Variants in NUP93 observed in about 807,000 individuals in gnomAD.
The protein encoded by NUP93 is nucleoporin 93, also known as nuclear pore complex protein Nup93.
A neutral mutation model predicts 107.8 loss-of-function variants in NUP93; 55 were observed. The observed-to-expected ratio is 0.51, with a 90% confidence interval of 0.41 to 0.64. The LOEUF is 0.64. Ranked by LOEUF, NUP93 falls within the 30% of genes least tolerant of loss-of-function variation. NUP93 has a pLI of 0.00. For synonymous variants in NUP93, 390 were observed against 397.5 expected, an observed-to-expected ratio of 0.98 and a Z score of 0.22; for missense variants, 937 against 1,044.7, an observed-to-expected ratio of 0.90 and a Z score of 1.42.
chr16:56,768,580 T>C (rs1198883099), intron 3 of NUP93, among the ~76,000 whole-genome samples: 2 of 151,018 alleles, frequency 1.3e-5, no homozygotes, highest in Non-Finnish European at 3.0e-5. Flanking sequence ...AAAAATTTTT[T>C]TTTTTGGCCA....
Position 56,846,618 on chromosome 16 carries a change from G to A in NUP93, c.*2009G>A, listed in dbSNP as rs1223116323. 1 of 151,548 alleles carries A rather than the reference G, an allele frequency of 6.6e-6. No homozygotes were observed. The highest frequency in any genetic ancestry group is 1.9e-4 in the East Asian group (1 of 5,162). 9.4% of individuals were successfully genotyped at this position (151,548 alleles called of 1,614,324 possible). On this transcript the variant is annotated 3_prime_UTR_variant, in exon 22 of 22. Transcript: ENST00000308159. Reference sequence around the variant, plus strand: ...CCAGCTACTCGGGAGGCTGAGGCAGGAGAATCACTTGAACCCAAGAGGCGG... The same window carrying A: ...CCAGCTACTCGGGAGGCTGAGGCAGAAGAATCACTTGAACCCAAGAGGCGG...
At chr16:56,811,958 T>C (rs1464089165) in intron 5 of NUP93, among the ~76,000 whole-genome samples, 1 of 152,180 alleles carries the variant, frequency 6.6e-6, no homozygotes, top group African/African-American at 2.4e-5. Flanking sequence ...TTTTTAAGTG[T>C]TTTCCTTGAT....
In NUP93 at chr16:56,837,206, A is replaced by G. The variant is rs576458329; in HGVS notation, c.1900-402A>G. The stretch of plus-strand genomic sequence containing the variant: ...TGACTAAGAACATATGATAACTGCT[A>G]AGGATTCTATGACCTAAACAAGATT... On this transcript the variant is annotated intron_variant, in intron 17 of 21. Transcript: ENST00000308159. Among the ~76,000 whole-genome samples, 19 of 152,338 alleles carry G rather than the reference A, an allele frequency of 1.2e-4. 1 individual carries two copies. The highest frequency in any genetic ancestry group is 4.3e-4 in the African/African-American group (18 of 41,584).
chr16:56,763,482 T>C (rs1567379763), intron 3 of NUP93, among the ~76,000 whole-genome samples: 2 of 150,348 alleles, frequency 1.3e-5, no homozygotes, highest in Non-Finnish European at 3.0e-5. Flanking sequence ...AAGGAACTGC[T>C]TGTGTGTGTG....
chr16:56,744,226 C>T (rs1416191028), intron 1 of NUP93, among the ~76,000 whole-genome samples: 1 of 152,144 alleles, frequency 6.6e-6, no homozygotes, highest in Non-Finnish European at 1.5e-5. Flanking sequence ...TTTTTTCCCC[C>T]ATAGATCATT....
chr16:56,828,607 C>A (rs909994050), intron 8 of NUP93, among the ~76,000 whole-genome samples: 3 of 152,130 alleles, frequency 2.0e-5, no homozygotes, highest in Non-Finnish European at 2.9e-5. Flanking sequence ...TTGAACTATT[C>A]TTTTAATTTT....
intron 3 of NUP93, among the ~76,000 whole-genome samples, chr16:56,797,510 C>A (rs1481817471): frequency 6.6e-6 from 1 of 152,192 alleles, no homozygotes; most frequent in Non-Finnish European, 1.5e-5. Flanking sequence ...ATCTGTCTGT[C>A]TGTCTGCAAC....
At chr16:56,802,483 T>G (rs1186957592) in intron 4 of NUP93, among the ~76,000 whole-genome samples, 1 of 152,208 alleles carries the variant, frequency 6.6e-6, no homozygotes, top group Admixed American at 6.5e-5. Context: ...AAAAAACAGT[T>G]GGAAGACTGT....
rs774283790 is a variant in NUP93 at position 56,833,222 on chromosome 16, C to T, written c.1353C>T (p.Ser451=). ...QKQLLEDYGE[S]HFTVNQQPFL... ...TCCTCTCCTCTCTCCCAGGCGAGTC[C>T]CACTTTACGGTGAACCAGCAACCCT... The change falls in exon 13 of 22, where the codon TCC becomes TCT. Residue 451 remains serine, a synonymous_variant. Transcript: ENST00000308159. The T allele has an allele frequency of 6.3e-7, 1 of 1,597,056 alleles. No individual in the cohort carries two copies. The highest frequency in any genetic ancestry group is 8.5e-7 in the Non-Finnish European group (1 of 1,174,054).
chr16:56,817,746 A>G (rs1287095469), intron 5 of NUP93, among the ~76,000 whole-genome samples: 1 of 152,068 alleles, frequency 6.6e-6, no homozygotes, highest in East Asian at 1.9e-4. Flanking sequence ...CCTTTTCTAT[A>G]TTTAGTTATA....
intron 6 of NUP93, among the ~76,000 whole-genome samples, chr16:56,819,694 C>T (rs1243855071): frequency 6.6e-6 from 1 of 152,264 alleles, no homozygotes; most frequent in East Asian, 1.9e-4. Flanking sequence ...GGTCTGTCTT[C>T]AGCTGCCAGT....
intron 3 of NUP93, among the ~76,000 whole-genome samples, chr16:56,789,961 G>A (rs1331859847): frequency 6.6e-6 from 1 of 152,150 alleles, no homozygotes; most frequent in Non-Finnish European, 1.5e-5. Context: ...GCTGGGCATG[G>A]TGGCGTGCGC....
chr16:56,760,709 A>G (rs765066343), intron 3 of NUP93, among the ~76,000 whole-genome samples: 1 of 152,072 alleles, frequency 6.6e-6, no homozygotes, highest in Non-Finnish European at 1.5e-5. Flanking sequence ...ACCAGGCCCC[A>G]CCCCCAACAC....
chr16:56,747,823 G>A lies in NUP93; in HGVS notation c.-14-411G>A, dbSNP rs58514889. On this transcript the variant is annotated intron_variant, in intron 1 of 21. Coordinates refer to ENST00000308159, the MANE Select transcript of NUP93 (RefSeq NM_014669.5). ...TTATAAATTGCCTGGTGCTTTTAGG[G>A]TGGTAGTGTTTTTCTAAGATGGGTG... The A allele has an allele frequency of 1.0e-3, 156 of 154,908 alleles. 1 individual carries two copies. In the East Asian group the frequency reaches 0.024, roughly 24 times the overall value. 9.6% of individuals were successfully genotyped at this position (154,908 alleles called of 1,614,324 possible).
chr16:56,740,274 T>C (rs1438070806), intron 1 of NUP93, among the ~76,000 whole-genome samples: 15 of 118,826 alleles, frequency 1.3e-4, no homozygotes, highest in Middle Eastern at 5.1e-3. Flanking sequence ...TCAGACGGGG[T>C]GGTTGCCGGG....
chr16:56,811,354 C>T lies in NUP93; in HGVS notation c.489+5722C>T, dbSNP rs552190466. 3.3e-5 allele frequency among the ~76,000 whole-genome samples: 5 copies of T among 152,218 alleles called. No individual in the cohort carries two copies. The South Asian group carries it at 1.0e-3, about 32-fold the overall frequency. On this transcript the variant is annotated intron_variant, in intron 5 of 21. Transcript: ENST00000308159. Reference sequence around the variant, plus strand: ...TTATAGGCCTTTTCCATATAATTTCCTTCAAAATAATGGAAAGTTGATACT... The same window carrying T: ...TTATAGGCCTTTTCCATATAATTTCTTTCAAAATAATGGAAAGTTGATACT...
chr16:56,743,852 T>A (rs1349320900), intron 1 of NUP93, among the ~76,000 whole-genome samples: 2 of 152,300 alleles, frequency 1.3e-5, no homozygotes, highest in South Asian at 2.1e-4. Context: ...TTGAGGAGTT[T>A]CTGTGGAGGC....
At chr16:56,835,735 T>C (rs966819711) in intron 16 of NUP93, among the ~76,000 whole-genome samples, 1 of 152,196 alleles carries the variant, frequency 6.6e-6, no homozygotes, top group Non-Finnish European at 1.5e-5. Context: ...AGAGATGTTA[T>C]GCACTTGCCT....
At chr16:56,744,905 G>T (rs1406616629) in intron 1 of NUP93, among the ~76,000 whole-genome samples, 1 of 152,180 alleles carries the variant, frequency 6.6e-6, no homozygotes. Flanking sequence ...TTTGGCAAAG[G>T]AGTGCAGGAA....
Sources: gnomAD v4.1 joint callset for allele counts (sites outside exome capture counted in the v4.1 genomes callset) on GRCh38, gnomAD v4.1.1 for gene constraint, MANE v1.5 for transcripts, NCBI Gene and HGNC (gene_info 2026-07-23, HGNC 2026-07-21) for gene names.